KIAA1549L: variants seen among roughly 807,000 people sequenced by gnomAD.
KIAA1549L encodes the protein KIAA1549 like.
Under a neutral mutation model 160.7 loss-of-function variants are expected in KIAA1549L, and 88 were observed. That is an observed-to-expected ratio of 0.55 (90% CI 0.46 to 0.65). The LOEUF (loss-of-function observed/expected upper bound fraction) is 0.65, where lower values mean the gene tolerates loss of function less well. Among genes scored for constraint, KIAA1549L ranks in the 30% least tolerant of loss-of-function variants. KIAA1549L has a pLI of 0.00. For synonymous variants in KIAA1549L, 950 were observed against 976.7 expected, an observed-to-expected ratio of 0.97 and a Z score of 0.51; for missense variants, 2,258 against 2,437.5, an observed-to-expected ratio of 0.93 and a Z score of 1.55.
At chr11:33,595,344 A>G (rs1850170180) in intron 12 of KIAA1549L, among the ~76,000 whole-genome samples, 1 of 152,204 alleles carries the variant, frequency 6.6e-6, no homozygotes, top group Non-Finnish European at 1.5e-5. Context: ...CCCCTGCCTC[A>G]GCCTCCCGAG....
intron 1 of KIAA1549L, among the ~76,000 whole-genome samples, chr11:33,473,282 G>T (rs955017443): frequency 6.6e-6 from 1 of 152,174 alleles, no homozygotes; most frequent in Non-Finnish European, 1.5e-5. Context: ...AAAGGAGGAG[G>T]CAAGTGGAAA....
rs1347873888 is a variant in KIAA1549L, at chr11:33,543,722, C to A, written c.2159C>A (p.Thr720Lys). 10 of 1,614,012 alleles carry A rather than the reference C, an allele frequency of 6.2e-6. No individual in the cohort carries two copies. The highest frequency in any genetic ancestry group is 1.1e-5 in the South Asian group (1 of 91,086). The change falls in exon 2 of 21, where the codon ACA (threonine) becomes AAA (lysine). Residue 720 changes from threonine to lysine, a missense_variant. By Grantham distance (78) the Thr-to-Lys change is moderately conservative. This residue lies in a region of KIAA1549L where 287 missense variants were observed against 292.3 expected (regional missense o/e 0.98). Coordinates refer to ENST00000658780, the MANE Select transcript of KIAA1549L (RefSeq NM_012194.3). ...ATAATATCTGGCTTGCAGCAGCAAA[C>A]AAATTATGATTTAAATGGACACACA... ...ESIISGLQQQ[T>K]NYDLNGHTIS...
At chr11:33,431,317 T>A (rs1851236706) in intron 1 of KIAA1549L, among the ~76,000 whole-genome samples, 2 of 152,292 alleles carry the variant, frequency 1.3e-5, no homozygotes, top group South Asian at 4.2e-4. Context: ...GGCAGCCTAC[T>A]TTTATTCTCT....
At chr11:33,546,705 T>C (rs570152411) in intron 3 of KIAA1549L, among the ~76,000 whole-genome samples, 1 of 152,326 alleles carries the variant, frequency 6.6e-6, no homozygotes, top group African/African-American at 2.4e-5. Context: ...AAGCTTAAAC[T>C]TGTATATACA....
chr11:33,512,294 T>C (rs1853244695), intron 1 of KIAA1549L, among the ~76,000 whole-genome samples: 1 of 152,272 alleles, frequency 6.6e-6, no homozygotes, highest in South Asian at 2.1e-4. Flanking sequence ...CAGTGGGTTC[T>C]GTTTTAAAAA....
intron 17 of KIAA1549L, among the ~76,000 whole-genome samples, chr11:33,648,000 C>A (rs1433440920): frequency 1.3e-5 from 2 of 152,040 alleles, no homozygotes; most frequent in Admixed American, 1.3e-4. Context: ...CTTTTCTTTT[C>A]TTTTCTGAGA....
intron 1 of KIAA1549L, among the ~76,000 whole-genome samples, chr11:33,387,581 T>C (rs966387013): frequency 1.6e-4 from 24 of 152,154 alleles, no homozygotes; most frequent in African/African-American, 4.3e-4. Flanking sequence ...GCTGGGATTA[T>C]AGGCATGAAC....
intron 1 of KIAA1549L, among the ~76,000 whole-genome samples, chr11:33,457,210 C>T (rs1851845891): frequency 6.6e-6 from 1 of 152,130 alleles, no homozygotes. Context: ...CACTGACCTC[C>T]CTCTGCAGAA....
intron 9 of KIAA1549L, among the ~76,000 whole-genome samples, chr11:33,572,541 A>G (rs1435144267): frequency 6.6e-6 from 1 of 152,228 alleles, no homozygotes; most frequent in East Asian, 1.9e-4. Context: ...CATTTCATAT[A>G]AATCGAATCC....
intron 10 of KIAA1549L, 42 bp downstream of exon 10, chr11:33,574,915 A>G: frequency 6.5e-7 from 1 of 1,538,184 alleles, no homozygotes; most frequent in Non-Finnish European, 8.9e-7. Context: ...TAATGCCATT[A>G]AATGTTTCCT....
intron 16 of KIAA1549L, among the ~76,000 whole-genome samples, chr11:33,636,664 A>G (rs1035165537): frequency 6.6e-6 from 1 of 152,218 alleles, no homozygotes. Context: ...AATTGTGAAC[A>G]GTATATTGTT....
At position 33,390,512 on chromosome 11, in the gene KIAA1549L, C is replaced by T. The variant is rs184084884; in HGVS notation, c.238+13623C>T. Among the ~76,000 whole-genome samples, 463 of 152,324 alleles carry T rather than the reference C, an allele frequency of 3.0e-3. 5 individuals are homozygous for T. The highest frequency in any genetic ancestry group is 9.3e-3 in the South Asian group (45 of 4,830). The stretch of plus-strand genomic sequence containing the variant: ...CAAGACTCTGCCCCAGTTCCACATT[C>T]CCATGAGGGAGAATCAAGCTGCTGC... On this transcript the variant is annotated intron_variant, in intron 1 of 20. Coordinates refer to ENST00000658780, the MANE Select transcript of KIAA1549L (RefSeq NM_012194.3).
chr11:33,530,984 T>C (rs1853756515), intron 1 of KIAA1549L, among the ~76,000 whole-genome samples: 1 of 152,202 alleles, frequency 6.6e-6, no homozygotes, highest in Non-Finnish European at 1.5e-5. Context: ...AAGAACATCA[T>C]CTGGAAATAA....
chr11:33,622,827 C>T (rs4755769), intron 16 of KIAA1549L, among the ~76,000 whole-genome samples: 11 of 152,116 alleles, frequency 7.2e-5, no homozygotes, highest in South Asian at 2.1e-4. Flanking sequence ...ATCCCAAAGG[C>T]GAAAATGAGC....
At chr11:33,526,380 A>G (rs560585957) in intron 1 of KIAA1549L, among the ~76,000 whole-genome samples, 1 of 152,356 alleles carries the variant, frequency 6.6e-6, no homozygotes, top group South Asian at 2.1e-4. Context: ...AAACCAGCAC[A>G]CTAAATGAAA....
At chr11:33,614,925 T>TTTTTTTTTTTTTTTTTGAG (rs1850770518) in intron 15 of KIAA1549L, among the ~76,000 whole-genome samples, 1 of 151,920 alleles carries the variant, frequency 6.6e-6, no homozygotes, top group African/African-American at 2.4e-5. Context: ...GCTATATTTT[T>TTTTTTTTTTTTTTTTTGAG]AATGGCAGTC....
intron 10 of KIAA1549L, among the ~76,000 whole-genome samples, chr11:33,580,249 G>A (rs1321216895): frequency 1.3e-5 from 2 of 152,178 alleles, no homozygotes; most frequent in African/African-American, 4.8e-5. Context: ...GAAGTGGTTT[G>A]CTTTACATGG....
chr11:33,485,282 G>C (rs1053807060), intron 1 of KIAA1549L, among the ~76,000 whole-genome samples: 1 of 152,066 alleles, frequency 6.6e-6, no homozygotes, highest in Non-Finnish European at 1.5e-5. Context: ...AATGGCATTG[G>C]GGGGAGGTTG....
intron 1 of KIAA1549L, among the ~76,000 whole-genome samples, chr11:33,464,534 A>G (rs557103114): frequency 3.2e-5 from 4 of 124,156 alleles, no homozygotes. Context: ...GCCCCCCCCC[A>G]CACACGCATT....
Sources: gnomAD v4.1 joint callset for allele counts (sites outside exome capture counted in the v4.1 genomes callset) on GRCh38, gnomAD v4.1.1 for gene constraint, gnomAD v4.1.1 regional missense constraint, MANE v1.5 for transcripts, NCBI Gene and HGNC (gene_info 2026-07-23, HGNC 2026-07-21) for gene names.